The following AGBL1 variants were observed in gnomAD, a reference collection of about 807,000 sequenced individuals.
The protein encoded by AGBL1 is cytosolic carboxypeptidase 4.
A neutral mutation model predicts 118.9 loss-of-function variants in AGBL1; 130 were observed. The ratio of observed to expected loss-of-function variants is 1.09; its 90% CI spans 0.95 to 1.26. The LOEUF (loss-of-function observed/expected upper bound fraction) is 1.26, where lower values mean the gene tolerates loss of function less well. AGBL1 is among the 50% of genes most tolerant of loss of function. AGBL1 has a pLI of 0.00. For missense variants in AGBL1, 1,584 were observed against 1,298.1 expected, an observed-to-expected ratio of 1.22 and a Z score of -3.38; for synonymous variants, 555 against 478.9, an observed-to-expected ratio of 1.16 and a Z score of -2.08.
chr15:86,348,569 G>A, intron 17 of AGBL1, among the ~76,000 whole-genome samples: 1 of 152,150 alleles, frequency 6.6e-6, no homozygotes, highest in Non-Finnish European at 1.5e-5. Flanking sequence ...CATGAGGTCA[G>A]GAGTTTGAGA....
Position 86,262,839 on chromosome 15 carries a change from A to C in AGBL1, c.1031A>C (p.Glu344Ala). The C allele has an allele frequency of 2.5e-6, 4 of 1,611,546 alleles. No individual in the cohort carries two copies. Among genetic ancestry groups the C allele is most frequent in the Non-Finnish European group, 2.5e-6 (3 of 1,178,946 alleles). Residue 344 changes from glutamate (E) to alanine (A), a missense_variant, in exon 10 of 23, where the codon GAA becomes GCA. Physicochemically the swap from Glu to Ala is moderately radical, Grantham distance 107 (BLOSUM62 -1). Transcript: ENST00000614907. ...LSSKPGLDRP[E>A]EELMQYEVMC... ...TCCAAACCTGGTCTTGACCGACCTG[A>C]AGAGGAACTGATGCAATATGAGGTG... is the stretch of plus-strand genomic sequence containing the variant.
intron 23 of AGBL1, among the ~76,000 whole-genome samples, chr15:86,970,219 C>T (rs1007099261): frequency 6.6e-6 from 1 of 151,696 alleles, no homozygotes; most frequent in Non-Finnish European, 1.5e-5. Flanking sequence ...AATGAGATCC[C>T]AATATACTGG....
intron 22 of AGBL1, among the ~76,000 whole-genome samples, chr15:86,895,750 T>C (rs567512746): frequency 6.6e-6 from 1 of 152,072 alleles, no homozygotes; most frequent in African/African-American, 2.4e-5. Flanking sequence ...TAGTTTCCCT[T>C]ATTTAATTTG....
intron 5 of AGBL1, among the ~76,000 whole-genome samples, chr15:86,221,548 A>G (rs1187374870): frequency 6.6e-6 from 1 of 152,212 alleles, no homozygotes; most frequent in African/African-American, 2.4e-5. Flanking sequence ...ATGAGAGTGG[A>G]CCAGCGCTGC....
intron 23 of AGBL1, chr15:86,935,052 C>A (rs1403012323): frequency 6.6e-6 from 1 of 152,226 alleles, no homozygotes; most frequent in East Asian, 1.9e-4. Flanking sequence ...CTGGGGTCAC[C>A]TTGGTCTTGT....
intron 23 of AGBL1, among the ~76,000 whole-genome samples, chr15:86,953,678 A>C (rs1212499399): frequency 6.6e-6 from 1 of 152,136 alleles, no homozygotes; most frequent in Admixed American, 6.6e-5. Flanking sequence ...GGTGTGAGCC[A>C]CTGTGGCTGG....
rs776642678 is a variant in AGBL1, at chr15:86,574,570, A to ATTTTTTT, written c.2994+20051_2994+20057dup. Reference sequence around the variant, plus strand: ...TTCTATACAATTCTTAAAAGTTTTAATTTTTTTTTTTTTTTTTTTTTTTTG... The same window carrying ATTTTTTT: ...TTCTATACAATTCTTAAAAGTTTTAATTTTTTTTTTTTTTTTTTTTTTTTTTTTTTTG... On this transcript the variant is annotated intron_variant, in intron 21 of 22. Coordinates refer to ENST00000614907, the MANE Select transcript of AGBL1 (RefSeq NM_001386094.1). 4.9e-3 allele frequency among the ~76,000 whole-genome samples: 406 copies of ATTTTTTT among 83,674 alleles called. 1 individual carries two copies. The highest frequency in any genetic ancestry group is 7.4e-3 in the East Asian group (18 of 2,424). The allele number at this position is 83,674 out of a possible 152,430, so 54.9% of individuals were successfully genotyped here.
intron 18 of AGBL1, among the ~76,000 whole-genome samples, chr15:86,492,490 T>C (rs958770877): frequency 1.3e-5 from 2 of 150,674 alleles, no homozygotes; most frequent in South Asian, 2.1e-4. Flanking sequence ...CATGGGAAGC[T>C]GAGGCAGGAG....
chr15:86,829,779 A>T (rs2079078278), intron 22 of AGBL1, among the ~76,000 whole-genome samples: 1 of 152,066 alleles, frequency 6.6e-6, no homozygotes. Flanking sequence ...TATTTTTTAA[A>T]AATTATAATA....
chr15:86,841,140 C>T (rs978558772), intron 22 of AGBL1, among the ~76,000 whole-genome samples: 2 of 152,172 alleles, frequency 1.3e-5, no homozygotes, highest in Admixed American at 6.5e-5. Context: ...CACACTCAGC[C>T]CCTACAGGCA....
intron 23 of AGBL1, among the ~76,000 whole-genome samples, chr15:86,969,788 T>C (rs969389283): frequency 2.6e-5 from 4 of 151,932 alleles, no homozygotes; most frequent in African/African-American, 7.2e-5. Context: ...AATGAAATTC[T>C]CTCATTGAAC....
At chr15:86,234,914 A>G (rs939151366) in intron 6 of AGBL1, among the ~76,000 whole-genome samples, 4 of 152,176 alleles carry the variant, frequency 2.6e-5, no homozygotes, top group African/African-American at 9.7e-5. Flanking sequence ...TTTGTCTCCC[A>G]AGATCTTCCC....
At chr15:86,570,783 C>G (rs952395627) in intron 21 of AGBL1, among the ~76,000 whole-genome samples, 1 of 152,120 alleles carries the variant, frequency 6.6e-6, no homozygotes, top group Non-Finnish European at 1.5e-5. Context: ...GCTTTTCTGG[C>G]TGGAAACCTC....
intron 22 of AGBL1, among the ~76,000 whole-genome samples, chr15:86,844,097 G>T (rs755341832): frequency 1.1e-4 from 17 of 152,064 alleles, no homozygotes; most frequent in African/African-American, 3.6e-4. Flanking sequence ...GTGTTCTGTT[G>T]TATGGGTATA....
At chr15:86,904,244 A>C (rs560452927) in intron 22 of AGBL1, among the ~76,000 whole-genome samples, 21 of 152,326 alleles carry the variant, frequency 1.4e-4, no homozygotes, top group African/African-American at 5.1e-4. Flanking sequence ...AAGGAAACCC[A>C]GAGAGATCAT....
At chr15:86,774,868 G>A (rs2078231299) in intron 22 of AGBL1, among the ~76,000 whole-genome samples, 1 of 152,176 alleles carries the variant, frequency 6.6e-6, no homozygotes, top group South Asian at 2.1e-4. Context: ...AGAGAGGTAA[G>A]GAGCGGCTAT....
intron 18 of AGBL1, among the ~76,000 whole-genome samples, chr15:86,441,851 C>T (rs973830013): frequency 6.6e-6 from 1 of 152,192 alleles, no homozygotes; most frequent in Non-Finnish European, 1.5e-5. Flanking sequence ...GCCCAGCAGC[C>T]TGGTGTCCAT....
chr15:86,147,743 AAG>A (rs886889568), intron 3 of AGBL1, among the ~76,000 whole-genome samples: 18 of 152,216 alleles, frequency 1.2e-4, no homozygotes, highest in African/African-American at 4.3e-4. Context: ...GACAACTCTG[AAG>A]AGAGCAATGG....
At chr15:86,616,359 A>T (rs1251936785) in intron 21 of AGBL1, among the ~76,000 whole-genome samples, 18 of 151,700 alleles carry the variant, frequency 1.2e-4, no homozygotes, top group African/African-American at 3.6e-4. Context: ...AAAAAAAAAA[A>T]AAAAAAAAAA....
Sources: gnomAD v4.1 joint callset for allele counts (sites outside exome capture counted in the v4.1 genomes callset) on GRCh38, gnomAD v4.1.1 for gene constraint, MANE v1.5 for transcripts, NCBI Gene and HGNC (gene_info 2026-07-23, HGNC 2026-07-21) for gene names.